The following B3GAT2 variants were observed in gnomAD, a reference collection of about 807,000 sequenced individuals.
The protein encoded by B3GAT2 is beta-1,3-glucuronyltransferase 2.
B3GAT2 carries 26 observed loss-of-function variants against 27.8 expected under a neutral mutation model. The ratio of observed to expected loss-of-function variants is 0.93; its 90% CI spans 0.68 to 1.30. B3GAT2 has a LOEUF of 1.30. Among genes scored for constraint, B3GAT2 ranks in the 50% most tolerant of loss-of-function variants. The pLI, the probability that B3GAT2 is intolerant of heterozygous loss-of-function variation, is 0.00. For missense variants in B3GAT2, 458 were observed against 459.0 expected (o/e 1.00, Z 0.02); for synonymous variants, 218 against 195.1 (o/e 1.12, Z -0.98).
intron 1 of B3GAT2, among the ~76,000 whole-genome samples, chr6:70,950,531 G>A (rs776108783): frequency 8.3e-4 from 126 of 152,202 alleles, no homozygotes; most frequent in Non-Finnish European, 1.5e-3. Flanking sequence ...CAATGCAGGC[G>A]CTAGAACCAG....
chr6:70,926,643 A>T (rs1156355481), intron 1 of B3GAT2, among the ~76,000 whole-genome samples: 1 of 152,226 alleles, frequency 6.6e-6, no homozygotes, highest in African/African-American at 2.4e-5. Context: ...GTAAAAAGAA[A>T]TGAACAAAGT....
At chr6:70,899,833 T>C (rs980076533) in intron 1 of B3GAT2, among the ~76,000 whole-genome samples, 7 of 152,196 alleles carry the variant, frequency 4.6e-5, no homozygotes, top group Admixed American at 1.3e-4. Context: ...TGTTATTTTC[T>C]GAGGGGTAGG....
chr6:70,876,061 A>G (rs2150025215), intron 2 of B3GAT2, among the ~76,000 whole-genome samples: 1 of 152,154 alleles, frequency 6.6e-6, no homozygotes, highest in Non-Finnish European at 1.5e-5. Context: ...AACCAAAAAG[A>G]CTCTGATGGG....
chr6:70,868,900 G>A (rs1431866934), intron 2 of B3GAT2, among the ~76,000 whole-genome samples: 2 of 152,086 alleles, frequency 1.3e-5, no homozygotes, highest in Non-Finnish European at 2.9e-5. Flanking sequence ...CTGCCTTTTG[G>A]AATGTTGTGT....
intron 2 of B3GAT2, among the ~76,000 whole-genome samples, chr6:70,880,328 C>T (rs1260600147): frequency 3.3e-5 from 5 of 152,090 alleles, no homozygotes; most frequent in Non-Finnish European, 5.9e-5. Context: ...CTCACAGTGA[C>T]CCCACTAGGT....
intron 2 of B3GAT2, among the ~76,000 whole-genome samples, chr6:70,884,540 A>G (rs1772152388): frequency 6.6e-6 from 1 of 152,214 alleles, no homozygotes; most frequent in Non-Finnish European, 1.5e-5. Context: ...CAGGGAGGAC[A>G]CTGACATGAG....
chr6:70,924,180 A>G (rs1772916493), intron 1 of B3GAT2, among the ~76,000 whole-genome samples: 1 of 152,200 alleles, frequency 6.6e-6, no homozygotes, highest in African/African-American at 2.4e-5. Flanking sequence ...CTACCAGCAT[A>G]AAAAATCATA....
chr6:70,863,261 A>G (rs748071046), intron 2 of B3GAT2, among the ~76,000 whole-genome samples: 2 of 152,210 alleles, frequency 1.3e-5, no homozygotes, highest in Non-Finnish European at 2.9e-5. Context: ...GCAAAGTAAT[A>G]CTAAATGATA....
At position 70,859,580 on chromosome 6, in the gene B3GAT2, T is replaced by C; in HGVS notation, c.*2083A>G. On this transcript the variant is annotated 3_prime_UTR_variant, in exon 4 of 4. Coordinates refer to ENST00000230053, the MANE Select transcript of B3GAT2 (RefSeq NM_080742.3). ...AAACCCACTCACTATATGGTAAATC[T>C]TGCCTTTCCTTCTCTTATCACCAAT... 2.3e-6 allele frequency: 1 copy of C among 440,488 alleles called. No homozygotes were observed. Among genetic ancestry groups the C allele is most frequent in the South Asian group, 4.9e-5 (1 of 20,214 alleles). 27.3% of individuals were successfully genotyped at this position (440,488 alleles called of 1,614,324 possible).
rs1346614990 is a variant in B3GAT2 at position 70,861,436 on chromosome 6, A to AAAAC, written c.*223_*226dup. ...ATCTTCCAATTTAGTTGTTGTAGAGAAAACATGCAGAACAAATGAAGACAA... is the reference window on the plus strand; with the variant it reads ...ATCTTCCAATTTAGTTGTTGTAGAGAAAACAAACATGCAGAACAAATGAAGACAA... On this transcript the variant is annotated 3_prime_UTR_variant, in exon 4 of 4. Transcript: ENST00000230053. The AAAAC allele has an allele frequency of 3.8e-6, 2 of 525,436 alleles. No homozygotes were observed. The highest frequency in any genetic ancestry group is 3.8e-5 in the African/African-American group (2 of 52,820). The allele number at this position is 525,436 out of a possible 1,614,324, so 32.5% of individuals were successfully genotyped here. A position where few individuals can be genotyped will look rare whatever the true frequency, so the allele number is the denominator to read the frequency against.
intron 2 of B3GAT2, among the ~76,000 whole-genome samples, chr6:70,891,512 G>A (rs935148469): frequency 1.3e-5 from 2 of 152,098 alleles, no homozygotes; most frequent in African/African-American, 2.4e-5. Flanking sequence ...ATGAAACATC[G>A]CAGTTTCAAT....
At chr6:70,889,758 T>C (rs1328790062) in intron 2 of B3GAT2, among the ~76,000 whole-genome samples, 13 of 149,704 alleles carry the variant, frequency 8.7e-5, no homozygotes, top group Admixed American at 8.7e-4. Flanking sequence ...AGATCAAATC[T>C]CTCCCCCTCT....
chr6:70,886,623 C>T (rs1562218641), intron 2 of B3GAT2, among the ~76,000 whole-genome samples: 1 of 152,104 alleles, frequency 6.6e-6, no homozygotes, highest in Non-Finnish European at 1.5e-5. Context: ...CACGTCCACC[C>T]CACCTGACCC....
At chr6:70,874,537 C>T (rs537350029) in intron 2 of B3GAT2, among the ~76,000 whole-genome samples, 25 of 152,212 alleles carry the variant, frequency 1.6e-4, no homozygotes, top group African/African-American at 5.5e-4. Context: ...AGCACATAGC[C>T]CTGGGCATGC....
chr6:70,913,177 T>C (rs1185192126), intron 1 of B3GAT2, among the ~76,000 whole-genome samples: 1 of 152,112 alleles, frequency 6.6e-6, no homozygotes, highest in Non-Finnish European at 1.5e-5. Flanking sequence ...AGTTCAGTTC[T>C]TGTTTTGGTT....
At chr6:70,931,994 G>A (rs903544524) in intron 1 of B3GAT2, among the ~76,000 whole-genome samples, 3 of 152,062 alleles carry the variant, frequency 2.0e-5, no homozygotes, top group Non-Finnish European at 4.4e-5. Flanking sequence ...CAGACAAATG[G>A]CCAATAAGCA....
intron 2 of B3GAT2, among the ~76,000 whole-genome samples, chr6:70,875,602 G>A (rs193061623): frequency 3.7e-4 from 57 of 152,186 alleles, no homozygotes; most frequent in South Asian, 8.3e-4. Flanking sequence ...ATAGCTTCCC[G>A]CATTTACTTC....
At chr6:70,895,772 TATC>T (rs1772373107) in intron 1 of B3GAT2, among the ~76,000 whole-genome samples, 1 of 152,116 alleles carries the variant, frequency 6.6e-6, no homozygotes, top group Non-Finnish European at 1.5e-5. Flanking sequence ...TATAATCTCT[TATC>T]ATTTTTTCAA....
At chr6:70,865,443 A>C (rs1423013652) in intron 2 of B3GAT2, among the ~76,000 whole-genome samples, 1 of 152,186 alleles carries the variant, frequency 6.6e-6, no homozygotes, top group African/African-American at 2.4e-5. Context: ...TTAAAGCTAT[A>C]TAGTATAACA....
Sources: gnomAD v4.1 joint callset for allele counts (sites outside exome capture counted in the v4.1 genomes callset) on GRCh38, gnomAD v4.1.1 for gene constraint, MANE v1.5 for transcripts, NCBI Gene and HGNC (gene_info 2026-07-23, HGNC 2026-07-21) for gene names.